The following ATXN10 variants were observed in gnomAD, a reference collection of about 807,000 sequenced individuals.
ATXN10 encodes ataxin-10.
A neutral mutation model predicts 52.9 loss-of-function variants in ATXN10; 28 were observed. That is an observed-to-expected ratio of 0.53 (90% CI 0.39 to 0.73). The LOEUF (loss-of-function observed/expected upper bound fraction) is 0.73. Ranked by LOEUF, ATXN10 falls within the 30% of genes least tolerant of loss-of-function variation. The pLI is 0.00. For missense variants in ATXN10, 565 were observed against 577.0 expected (o/e 0.98, Z 0.21); for synonymous variants, 226 against 221.5 (o/e 1.02, Z -0.18).
At position 45,718,630 on chromosome 22, in the gene ATXN10, A is replaced by G; in HGVS notation, c.728+137A>G. The G allele has an allele frequency of 1.2e-6, 1 of 857,626 alleles. No individual in the cohort carries two copies. The highest frequency in any genetic ancestry group is 2.0e-6 in the Non-Finnish European group (1 of 512,438). 53.1% of individuals were successfully genotyped at this position (857,626 alleles called of 1,614,324 possible). A position where few individuals can be genotyped will look rare whatever the true frequency, so the allele number is the denominator to read the frequency against. ...ATGTTTCTGTGTTGGTAATGGTTTT[A>G]AATTGGTTGGTTAACATTACAGCTT... On this transcript the variant is annotated intron_variant, in intron 6 of 11. Transcript: ENST00000252934. The surrounding 1 kb of genome is among the most constrained non-coding windows in gnomAD (Gnocchi z 4.4).
intron 9 of ATXN10, among the ~76,000 whole-genome samples, chr22:45,751,489 T>C (rs1267444430): frequency 2.6e-5 from 4 of 151,884 alleles, no homozygotes; most frequent in Non-Finnish European, 1.5e-5. Flanking sequence ...AGATCATTCT[T>C]CCACTGTTAT....
intron 9 of ATXN10, among the ~76,000 whole-genome samples, chr22:45,782,367 A>G (rs1280553708): frequency 6.6e-6 from 1 of 152,246 alleles, no homozygotes; most frequent in African/African-American, 2.4e-5. Context: ...ACAAACGTTC[A>G]TGGCAGCCTA....
Position 45,837,494 on chromosome 22 carries a change from C to A in ATXN10, c.1238-5497C>A, listed in dbSNP as rs1929206349. Among the ~76,000 whole-genome samples the A allele has an allele frequency of 6.6e-6, 1 of 152,174 alleles. No homozygotes were observed. The highest frequency in any genetic ancestry group is 6.5e-5 in the Admixed American group (1 of 15,286). On this transcript the variant is annotated intron_variant, in intron 10 of 11. Coordinates refer to ENST00000252934, the MANE Select transcript of ATXN10 (RefSeq NM_013236.4). This position sits in a 1 kb window ranked among gnomAD's most constrained non-coding sequence, Gnocchi z 5.8. ...GGCCAGGCTGGTCTCATACTCCTGA[C>A]CTCGTGATCCGCCTGCCTCAGCCTC...
chr22:45,838,601 C>G (rs960996432), intron 10 of ATXN10, among the ~76,000 whole-genome samples: 2 of 152,208 alleles, frequency 1.3e-5, no homozygotes, highest in Non-Finnish European at 2.9e-5. Context: ...TTCTTTCTCT[C>G]TGTCCCTTTA....
rs956638444 is a variant in ATXN10 at position 45,683,487 on chromosome 22, G to A, written c.117-6225G>A. 3.9e-5 allele frequency among the ~76,000 whole-genome samples: 6 copies of A among 152,256 alleles called. No homozygotes were observed. The South Asian group carries it at 1.0e-3, about 26-fold the overall frequency. On this transcript the variant is annotated intron_variant, in intron 1 of 11. Coordinates refer to ENST00000252934, the MANE Select transcript of ATXN10 (RefSeq NM_013236.4). This position sits in a 1 kb window ranked among gnomAD's most constrained non-coding sequence, Gnocchi z 4.8. ...AAGCCAGCCCTGACTTCCCTGTGAC[G>A]TGCTCTGTATGCCTTTGCCTCTAGT...
At chr22:45,706,145 C>T (rs761752368) in intron 5 of ATXN10, among the ~76,000 whole-genome samples, 5 of 152,192 alleles carry the variant, frequency 3.3e-5, no homozygotes, top group Non-Finnish European at 7.3e-5. Context: ...AAACCAGTCC[C>T]TGGTGCCAAA....
chr22:45,680,773 G>GT (rs1211089381), intron 1 of ATXN10, among the ~76,000 whole-genome samples: 3 of 151,874 alleles, frequency 2.0e-5, no homozygotes, highest in Admixed American at 6.6e-5. Flanking sequence ...ACCCTTTAAG[G>GT]TTTTTTTACA....
At position 45,775,852 on chromosome 22, in the gene ATXN10, A is replaced by T. The variant is rs560179679; in HGVS notation, c.1174-31107A>T. Among the ~76,000 whole-genome samples the T allele has an allele frequency of 0.017, 2,563 of 152,180 alleles. 78 individuals carry two copies. The highest frequency in any genetic ancestry group is 0.059 in the African/African-American group (2,452 of 41,504). On this transcript the variant is annotated intron_variant, in intron 9 of 11. Coordinates refer to ENST00000252934, the MANE Select transcript of ATXN10 (RefSeq NM_013236.4). The surrounding 1 kb of genome is among the most constrained non-coding windows in gnomAD (Gnocchi z 4.7). ...AACCTGATAGATCATTCCGCCCCTC[A>T]CAGCCAGCCGGGAGGTAACATTAAC...
At chr22:45,739,482 C>T (rs1046744499) in intron 8 of ATXN10, among the ~76,000 whole-genome samples, 6 of 152,132 alleles carry the variant, frequency 3.9e-5, no homozygotes, top group Non-Finnish European at 8.8e-5. Flanking sequence ...TTGTGTCTAG[C>T]AGTATAGATG....
chr22:45,772,599 C>T lies in ATXN10; in HGVS notation c.1173+32061C>T, dbSNP rs911464815. ...TTTTTCATAACTCTACAAAACTCTG[C>T]TGTGATTGTGATTGGAATTGCGTTA... On this transcript the variant is annotated intron_variant, in intron 9 of 11. Transcript: ENST00000252934. This position sits in a 1 kb window ranked among gnomAD's most constrained non-coding sequence, Gnocchi z 4.1. Among the ~76,000 whole-genome samples, 3 of 152,150 alleles carry T rather than the reference C, an allele frequency of 2.0e-5. No homozygotes were observed. Among genetic ancestry groups the T allele is most frequent in the African/African-American group, 7.2e-5 (3 of 41,416 alleles).
rs1293698451 is a variant in ATXN10, at chr22:45,784,702, T to TA, written c.1174-22256dup. Among the ~76,000 whole-genome samples the TA allele has an allele frequency of 6.6e-6, 1 of 152,198 alleles. No individual in the cohort carries two copies. Among genetic ancestry groups the TA allele is most frequent in the Non-Finnish European group, 1.5e-5 (1 of 68,036 alleles). On this transcript the variant is annotated intron_variant, in intron 9 of 11. Coordinates refer to ENST00000252934, the MANE Select transcript of ATXN10 (RefSeq NM_013236.4). This position sits in a 1 kb window ranked among gnomAD's most constrained non-coding sequence, Gnocchi z 4.2. ...CCCAAATTGACCTCATGGCTATTCTTACACATTCCAGATAGTCATTCTGAG... is the reference window on the plus strand; with the variant it reads ...CCCAAATTGACCTCATGGCTATTCTTAACACATTCCAGATAGTCATTCTGAG...
rs1348471669 is a variant in ATXN10, at chr22:45,727,361, A to ATCTATCTG, written c.729-2057_729-2056insGTCTATCT. On this transcript the variant is annotated intron_variant, in intron 6 of 11. Coordinates refer to ENST00000252934, the MANE Select transcript of ATXN10 (RefSeq NM_013236.4). The surrounding 1 kb of genome is among the most constrained non-coding windows in gnomAD (Gnocchi z 4.6). ...TATCTATCTATCTATCTATCTATCT[A>ATCTATCTG]TCTATCTATCTATCTGAGACTGAGT... Among the ~76,000 whole-genome samples, 3 of 151,200 alleles carry ATCTATCTG rather than the reference A, an allele frequency of 2.0e-5. No homozygotes were observed. Among genetic ancestry groups the ATCTATCTG allele is most frequent in the African/African-American group, 4.9e-5 (2 of 41,114 alleles).
rs1017314286 is a variant in ATXN10 at position 45,784,585 on chromosome 22, A to G, written c.1174-22374A>G. Among the ~76,000 whole-genome samples, 1 of 152,098 alleles carries G rather than the reference A, an allele frequency of 6.6e-6. No individual in the cohort carries two copies. Among genetic ancestry groups the G allele is most frequent in the African/African-American group, 2.4e-5 (1 of 41,414 alleles). ...TAGGCTGTCAGGAGGTGTGGATGGC[A>G]GGCACGGGAGAAGGGACAGGAGGCT... On this transcript the variant is annotated intron_variant, in intron 9 of 11. Transcript: ENST00000252934. The surrounding 1 kb of genome is among the most constrained non-coding windows in gnomAD (Gnocchi z 4.2).
In ATXN10 at chr22:45,763,453, A is replaced by C. The variant is rs1412767422; in HGVS notation, c.1173+22915A>C. Among the ~76,000 whole-genome samples the C allele has an allele frequency of 6.6e-6, 1 of 152,122 alleles. No individual in the cohort carries two copies. The highest frequency in any genetic ancestry group is 2.4e-5 in the African/African-American group (1 of 41,422). ...CAGGAGACAGGCGGCTCCTTGCCTG[A>C]GCCTCTGTGCTTGCGCTCCTCTCCC... On this transcript the variant is annotated intron_variant, in intron 9 of 11. Coordinates refer to ENST00000252934, the MANE Select transcript of ATXN10 (RefSeq NM_013236.4). This position sits in a 1 kb window ranked among gnomAD's most constrained non-coding sequence, Gnocchi z 6.9.
At chr22:45,797,558 T>G (rs1227414142) in intron 9 of ATXN10, among the ~76,000 whole-genome samples, 2 of 152,196 alleles carry the variant, frequency 1.3e-5, no homozygotes, top group Non-Finnish European at 2.9e-5. Flanking sequence ...GATAAAGTAG[T>G]GTTTAGGAAA....
At chr22:45,765,329 A>T (rs1362588976) in intron 9 of ATXN10, among the ~76,000 whole-genome samples, 2 of 152,158 alleles carry the variant, frequency 1.3e-5, no homozygotes, top group Non-Finnish European at 2.9e-5. Flanking sequence ...CAAGAGGGAG[A>T]CAGTACTAGG....
chr22:45,700,471 C>T (rs546273670), intron 4 of ATXN10, 93 bp downstream of exon 4: 1 of 1,005,378 alleles, frequency 9.9e-7, no homozygotes, highest in East Asian at 2.6e-5. Flanking sequence ...GAAAAAGTAA[C>T]CCACTGTAAT....
At chr22:45,839,625 A>G (rs17654028) in intron 10 of ATXN10, among the ~76,000 whole-genome samples, 13,301 of 152,316 alleles carry the variant, frequency 0.087, 626 homozygotes, top group Middle Eastern at 0.14. Context: ...GTGAGTTGCT[A>G]TTAAAATACC....
At chr22:45,836,749 G>A (rs1929180470) in intron 10 of ATXN10, among the ~76,000 whole-genome samples, 1 of 152,196 alleles carries the variant, frequency 6.6e-6, no homozygotes, top group African/African-American at 2.4e-5. Flanking sequence ...AACGCATTTT[G>A]AGAGCAATTT....
Sources: gnomAD v4.1 joint callset for allele counts (sites outside exome capture counted in the v4.1 genomes callset) on GRCh38, gnomAD v4.1.1 for gene constraint, Gnocchi (gnomAD v3.1) non-coding constraint, MANE v1.5 for transcripts, NCBI Gene and HGNC (gene_info 2026-07-23, HGNC 2026-07-21) for gene names.